The following STX8 variants were observed in gnomAD, a reference collection of about 807,000 sequenced individuals.
STX8 encodes syntaxin-8.
In STX8, 23 loss-of-function variants were observed where a neutral mutation model predicts 37.5. That is an observed-to-expected ratio of 0.61 (90% CI 0.44 to 0.87). STX8 has a LOEUF of 0.87. STX8 is among the 40% of genes least tolerant of loss of function. The pLI is 0.00. For missense variants in STX8, 313 were observed against 284.7 expected (o/e 1.10, Z -0.71); for synonymous variants, 115 against 99.1 (o/e 1.16, Z -0.95).
At chr17:9,498,017 G>C (rs1692343128) in intron 5 of STX8, among the ~76,000 whole-genome samples, 1 of 152,212 alleles carries the variant, frequency 6.6e-6, no homozygotes, top group Admixed American at 6.5e-5. Context: ...AGTGCCCACA[G>C]AGAAGCAATG....
At chr17:9,292,843 C>A (rs1452452444) in intron 7 of STX8, among the ~76,000 whole-genome samples, 1 of 152,190 alleles carries the variant, frequency 6.6e-6, no homozygotes, top group Non-Finnish European at 1.5e-5. Flanking sequence ...AGTTCCCATG[C>A]CCCAAGTCCT....
rs185086805 is a variant in STX8, at chr17:9,568,579, C to T, written c.18-109G>A. 5.3e-4 allele frequency: 420 copies of T among 795,248 alleles called. 5 individuals carry two copies. The highest frequency in any genetic ancestry group is 4.3e-3 in the African/African-American group (249 of 57,314). 49.3% of individuals were successfully genotyped at this position (795,248 alleles called of 1,614,324 possible). On this transcript the variant is annotated intron_variant, in intron 1 of 7. Transcript: ENST00000306357. ...GCAGTGGCACGATCTCAGCTCACTG[C>T]AAGCTCTGCCTCCTGGGTTCGCACC...
intron 7 of STX8, among the ~76,000 whole-genome samples, chr17:9,318,124 A>G (rs2142200560): frequency 6.6e-6 from 1 of 152,346 alleles, no homozygotes; most frequent in Non-Finnish European, 1.5e-5. Context: ...GGACACAGAA[A>G]TAATTTTTTT....
chr17:9,458,243 G>A (rs1905240242), intron 6 of STX8, among the ~76,000 whole-genome samples: 1 of 152,118 alleles, frequency 6.6e-6, no homozygotes. Context: ...TCCGCCTCCT[G>A]GGCTCACGCC....
At chr17:9,452,386 T>C (rs1011599736) in intron 6 of STX8, 2 of 152,018 alleles carry the variant, frequency 1.3e-5, no homozygotes, top group Non-Finnish European at 2.9e-5. Context: ...AAAAAATCTT[T>C]GCTCAACTAG....
intron 7 of STX8, among the ~76,000 whole-genome samples, chr17:9,327,400 G>GAGAAGA (rs201205903): frequency 6.6e-6 from 1 of 151,774 alleles, no homozygotes; most frequent in Non-Finnish European, 1.5e-5. Flanking sequence ...GAGGGAGAAG[G>GAGAAGA]AGAAGAAGAA....
intron 6 of STX8, among the ~76,000 whole-genome samples, chr17:9,450,236 C>T (rs7208593): frequency 0.2 from 29,973 of 151,054 alleles, 3,960 homozygotes; most frequent in East Asian, 0.63. Context: ...CCACCACGCC[C>T]GGCTAATTTT....
Position 9,429,910 on chromosome 17 carries a change from TATATATA to T in STX8, c.542-51264_542-51258del, listed in dbSNP as rs1426649827. On this transcript the variant is annotated intron_variant, in intron 6 of 7. Transcript: ENST00000306357. ...ATATTATATATAATATATTATATAT[TATATATA>T]ATATATATAATATATATTATATAGA... 1.0e-2 allele frequency among the ~76,000 whole-genome samples: 19 copies of T among 1,904 alleles called. 1 individual carries two copies. The highest frequency in any genetic ancestry group is 0.013 in the Non-Finnish European group (18 of 1,340). The allele number at this position is 1,904 out of a possible 152,430, so 1.2% of individuals were successfully genotyped here.
At chr17:9,528,722 G>C (rs967655048) in intron 4 of STX8, among the ~76,000 whole-genome samples, 2 of 151,640 alleles carry the variant, frequency 1.3e-5, no homozygotes, top group African/African-American at 4.8e-5. Context: ...GAAGAAAATA[G>C]GAAAACAAAG....
At chr17:9,270,769 C>T (rs989969009) in intron 7 of STX8, among the ~76,000 whole-genome samples, 1 of 152,074 alleles carries the variant, frequency 6.6e-6, no homozygotes, top group Non-Finnish European at 1.5e-5. Flanking sequence ...AAAGTAAGTC[C>T]AGTTGGTATT....
At chr17:9,325,014 G>T (rs551718103) in intron 7 of STX8, among the ~76,000 whole-genome samples, 1 of 152,284 alleles carries the variant, frequency 6.6e-6, no homozygotes, top group South Asian at 2.1e-4. Flanking sequence ...GGTGGCAGCA[G>T]CAAGTACAGC....
At chr17:9,321,669 A>G (rs1235091519) in intron 7 of STX8, among the ~76,000 whole-genome samples, 1 of 151,610 alleles carries the variant, frequency 6.6e-6, no homozygotes, top group Non-Finnish European at 1.5e-5. Flanking sequence ...ACAGGTGCAC[A>G]CCACCACCCT....
chr17:9,297,542 C>G (rs961454607), intron 7 of STX8, among the ~76,000 whole-genome samples: 3 of 152,212 alleles, frequency 2.0e-5, no homozygotes, highest in African/African-American at 7.2e-5. Flanking sequence ...TAGAGGTCAT[C>G]ATTCCAGGGC....
intron 7 of STX8, among the ~76,000 whole-genome samples, chr17:9,300,744 CTTTA>C (rs1908741079): frequency 6.7e-6 from 1 of 149,118 alleles, no homozygotes; most frequent in African/African-American, 2.5e-5. Flanking sequence ...GGCTTTTCCT[CTTTA>C]TTTATTTTGC....
intron 6 of STX8, among the ~76,000 whole-genome samples, chr17:9,481,575 G>A (rs780696172): frequency 3.9e-5 from 6 of 152,140 alleles, no homozygotes; most frequent in Admixed American, 6.5e-5. Context: ...CACCAGGAGG[G>A]TCAAGTGGGA....
intron 6 of STX8, among the ~76,000 whole-genome samples, chr17:9,430,032 ATTC>A (rs376532181): frequency 5.3e-5 from 2 of 37,668 alleles, no homozygotes; most frequent in African/African-American, 1.3e-4. Flanking sequence ...TATATAATAT[ATTC>A]TATAGAATAT....
intron 6 of STX8, among the ~76,000 whole-genome samples, chr17:9,443,330 CTCAT>C (rs1190735234): frequency 6.6e-6 from 1 of 152,200 alleles, no homozygotes; most frequent in Non-Finnish European, 1.5e-5. Flanking sequence ...ACTAGAGTCA[CTCAT>C]TCATTAAGCA....
At chr17:9,446,348 T>C (rs759058555) in intron 6 of STX8, among the ~76,000 whole-genome samples, 2 of 152,200 alleles carry the variant, frequency 1.3e-5, no homozygotes, top group African/African-American at 4.8e-5. Flanking sequence ...GATTTAATGA[T>C]AAAATTTCAT....
intron 5 of STX8, among the ~76,000 whole-genome samples, chr17:9,492,521 AATGT>A (rs1349662829): frequency 6.6e-6 from 1 of 152,202 alleles, no homozygotes; most frequent in African/African-American, 2.4e-5. Context: ...TAAGTCTAGG[AATGT>A]ATGTAAGAAA....
Sources: gnomAD v4.1 joint callset for allele counts (sites outside exome capture counted in the v4.1 genomes callset) on GRCh38, gnomAD v4.1.1 for gene constraint, MANE v1.5 for transcripts, NCBI Gene and HGNC (gene_info 2026-07-23, HGNC 2026-07-21) for gene names.